NBAS: variants seen among roughly 807,000 people sequenced by gnomAD.
The protein encoded by NBAS is NAG/BC035112 fusion.
A neutral mutation model predicts 302.5 loss-of-function variants in NBAS; 219 were observed. The observed-to-expected ratio is 0.72, with a 90% CI of 0.65 to 0.81. NBAS has a LOEUF of 0.81. Ranked by LOEUF, NBAS falls within the 30% of genes least tolerant of loss-of-function variation. The probability of loss-of-function intolerance (pLI) is 0.00; values close to 1 mark genes in which losing one functional copy is unlikely to be tolerated. For missense variants in NBAS, 2,932 were observed against 2,841.6 expected, an observed-to-expected ratio of 1.03 and a Z score of -0.72; for synonymous variants, 1,118 against 1,021.6, an observed-to-expected ratio of 1.09 and a Z score of -1.80.
chr2:15,091,394 A>T, the NBAS span, among the ~76,000 whole-genome samples: 9 of 151,980 alleles, frequency 5.9e-5, no homozygotes, highest in African/African-American at 1.9e-4. Flanking sequence ...AGCCTACTCA[A>T]TGTGAAAATG....
At chr2:14,924,258 T>C in the NBAS span, among the ~76,000 whole-genome samples, 1 of 152,248 alleles carries the variant, frequency 6.6e-6, no homozygotes, top group Non-Finnish European at 1.5e-5. Flanking sequence ...CAGATTCCTG[T>C]CATGGAGATG....
chr2:14,992,232 C>T, the NBAS span, among the ~76,000 whole-genome samples: 1 of 152,144 alleles, frequency 6.6e-6, no homozygotes, highest in Non-Finnish European at 1.5e-5. Context: ...GTGGGTCTTT[C>T]TCATAACAGA....
chr2:14,936,753 A>C, the NBAS span, among the ~76,000 whole-genome samples: 1 of 152,188 alleles, frequency 6.6e-6, no homozygotes, highest in Non-Finnish European at 1.5e-5. Flanking sequence ...ACAGGAAAAC[A>C]GTAAAAGAGG....
intron 11 of NBAS, among the ~76,000 whole-genome samples, chr2:15,502,357 T>C (rs977571865): frequency 6.6e-6 from 1 of 152,228 alleles, no homozygotes; most frequent in African/African-American, 2.4e-5. Context: ...AGTACAGTCA[T>C]GTATCACTTA....
chr2:14,999,064 T>A, the NBAS span, among the ~76,000 whole-genome samples: 3 of 152,156 alleles, frequency 2.0e-5, no homozygotes, highest in Non-Finnish European at 4.4e-5. Context: ...TAAAAGTCTC[T>A]TCACCTTCCT....
intron 48 of NBAS, among the ~76,000 whole-genome samples, chr2:15,196,128 A>C (rs187258522): frequency 1.3e-5 from 2 of 152,150 alleles, no homozygotes; most frequent in Admixed American, 6.5e-5. Context: ...ACACTCAAAA[A>C]TTTGCCTCGG....
chr2:14,938,142 T>A, the NBAS span, among the ~76,000 whole-genome samples: 1 of 151,706 alleles, frequency 6.6e-6, no homozygotes, highest in Non-Finnish European at 1.5e-5. Context: ...TAAAAAAAAT[T>A]AAAAAAATAA....
the NBAS span, among the ~76,000 whole-genome samples, chr2:14,808,977 GC>G: frequency 6.6e-6 from 1 of 152,146 alleles, no homozygotes; most frequent in Non-Finnish European, 1.5e-5. Context: ...TTTTGCCCCT[GC>G]CCTAGAGATT....
the NBAS span, among the ~76,000 whole-genome samples, chr2:14,891,016 C>T: frequency 6.6e-6 from 1 of 152,032 alleles, no homozygotes; most frequent in Non-Finnish European, 1.5e-5. Context: ...ATAAAAATTA[C>T]CACCTTCTTT....
chr2:15,195,643 A>G (rs1665586375), intron 48 of NBAS, among the ~76,000 whole-genome samples: 1 of 152,142 alleles, frequency 6.6e-6, no homozygotes, highest in South Asian at 2.1e-4. Context: ...ATGTCTCTCT[A>G]AAATAATTGG....
chr2:15,022,658 T>C, the NBAS span, among the ~76,000 whole-genome samples: 38 of 152,270 alleles, frequency 2.5e-4, no homozygotes, highest in East Asian at 7.4e-3. Flanking sequence ...AGAAGATCTG[T>C]AACTTCCAAG....
At position 15,275,811 on chromosome 2, in the gene NBAS, A is replaced by G; in HGVS notation, c.5397T>C (p.Asn1799=). The G allele has an allele frequency of 6.2e-7, 1 of 1,613,020 alleles. No individual in the cohort carries two copies. Among genetic ancestry groups the G allele is most frequent in the Non-Finnish European group, 8.5e-7 (1 of 1,179,964 alleles). ...TGTTTTCATCTGTCAGCTTTTTGTA[A>G]TTAAGACCTAGCAGAAAAAAAAAGA... ...KKFKVVASGL[N]YKKLTDENMS... The change falls in exon 44 of 52, where the codon AAT becomes AAC. Residue 1799 remains asparagine, a synonymous_variant. Coordinates refer to ENST00000281513, the MANE Select transcript of NBAS (RefSeq NM_015909.4).
At chr2:15,379,862 T>G (rs368270961) in intron 29 of NBAS, 31 bp from the exon 30 acceptor site, 2 of 1,587,236 alleles carry the variant, frequency 1.3e-6, no homozygotes, top group Non-Finnish European at 8.7e-7. Context: ...GAATTAGTTA[T>G]AGAGAGGGAA....
the NBAS span, among the ~76,000 whole-genome samples, chr2:14,860,698 G>T: frequency 1.3e-5 from 2 of 152,154 alleles, no homozygotes; most frequent in African/African-American, 4.8e-5. Flanking sequence ...AGTGTTATAT[G>T]GGAAGGATGA....
intron 19 of NBAS, among the ~76,000 whole-genome samples, chr2:15,465,123 AG>A (rs1302593602): frequency 6.6e-6 from 1 of 152,236 alleles, no homozygotes; most frequent in Non-Finnish European, 1.5e-5. Context: ...GTATTTCTTA[AG>A]GGTATTCTCC....
the NBAS span, among the ~76,000 whole-genome samples, chr2:14,807,539 A>G: frequency 1.0e-3 from 159 of 152,218 alleles, 2 homozygotes; most frequent in African/African-American, 3.7e-3. Flanking sequence ...ACTTTGCCAC[A>G]TAGGCAGTTT....
At chr2:15,059,519 C>A in the NBAS span, among the ~76,000 whole-genome samples, 1 of 152,110 alleles carries the variant, frequency 6.6e-6, no homozygotes, top group African/African-American at 2.4e-5. Context: ...AGGAAATAAG[C>A]CCATGCCTGA....
At chr2:14,828,450 G>T in the NBAS span, among the ~76,000 whole-genome samples, 1 of 152,128 alleles carries the variant, frequency 6.6e-6, no homozygotes, top group Non-Finnish European at 1.5e-5. Context: ...GGTGGAAAAA[G>T]GAGGAGAGGT....
chr2:15,410,035 C>T (rs193054483), intron 25 of NBAS, among the ~76,000 whole-genome samples: 175 of 152,262 alleles, frequency 1.1e-3, no homozygotes, highest in Non-Finnish European at 1.9e-3. Flanking sequence ...ACTCCCTGCC[C>T]CCACATTCCC....
Sources: allele counts gnomAD v4.1 joint callset (sites outside exome capture counted in the v4.1 genomes callset), GRCh38; gene constraint gnomAD v4.1.1; transcripts MANE v1.5; gene names NCBI Gene and HGNC (gene_info 2026-07-23, HGNC 2026-07-21).